The following SRRM3 variants were observed in gnomAD, a reference collection of about 807,000 sequenced individuals.
SRRM3 encodes serine/arginine repetitive matrix protein 3.
Under a neutral mutation model 66.2 loss-of-function variants are expected in SRRM3, and 27 were observed. The observed-to-expected ratio is 0.41, with a 90% CI of 0.30 to 0.56. The LOEUF (loss-of-function observed/expected upper bound fraction) is 0.56. Among genes scored for constraint, SRRM3 ranks in the 20% least tolerant of loss-of-function variants. SRRM3 has a pLI of 0.32. For synonymous variants in SRRM3, 391 were observed against 414.9 expected, an observed-to-expected ratio of 0.94 and a Z score of 0.70; for missense variants, 918 against 991.9, an observed-to-expected ratio of 0.93 and a Z score of 1.00.
At position 76,264,795 on chromosome 7, in the gene SRRM3, G is replaced by A. The variant is rs184677083; in HGVS notation, c.705G>A (p.Glu235=). Reference sequence around the variant, plus strand: ...GAAGCTCCAAGTGCAAAAGAAAAGAGAAGAACAAAGAGAAGAAGAGGTAAG... The same window carrying A: ...GAAGCTCCAAGTGCAAAAGAAAAGAAAAGAACAAAGAGAAGAAGAGGTAAG... The part of the protein sequence containing the change: ...RSRSSKCKRK[E]KNKEKKRPHT... The change falls in exon 9 of 15, where the codon GAG becomes GAA. Residue 235 remains glutamate (E), a synonymous_variant. Coordinates refer to ENST00000611745, the MANE Select transcript of SRRM3 (RefSeq NM_001110199.3). The A allele has an allele frequency of 2.4e-4, 392 of 1,613,666 alleles. 1 individual carries two copies. The highest frequency in any genetic ancestry group is 3.0e-4 in the Non-Finnish European group (350 of 1,179,832).
At chr7:76,237,167 G>A (rs1801172858) in intron 2 of SRRM3, among the ~76,000 whole-genome samples, 1 of 152,118 alleles carries the variant, frequency 6.6e-6, no homozygotes, top group Admixed American at 6.6e-5. Context: ...CAGCACTATG[G>A]GAGGACAAGG....
chr7:76,227,588 C>T (rs559654518), intron 1 of SRRM3, among the ~76,000 whole-genome samples: 3 of 152,328 alleles, frequency 2.0e-5, no homozygotes, highest in Non-Finnish European at 2.9e-5. Context: ...CCTGCCTTGA[C>T]GAACCAAGCA....
chr7:76,256,209 A>C (rs1289527648), intron 3 of SRRM3, among the ~76,000 whole-genome samples: 1 of 152,184 alleles, frequency 6.6e-6, no homozygotes, highest in Non-Finnish European at 1.5e-5. Context: ...TAAAGGAACG[A>C]AAGAATGGCC....
chr7:76,265,826 ATT>A (rs1402005013), intron 10 of SRRM3, among the ~76,000 whole-genome samples: 13 of 40,256 alleles, frequency 3.2e-4, no homozygotes, highest in Non-Finnish European at 4.1e-4. Flanking sequence ...TTTAATAAAT[ATT>A]TATATATATA....
At position 76,286,288 on chromosome 7, in the gene SRRM3, C is replaced by T; in HGVS notation, c.*445C>T. The stretch of plus-strand genomic sequence containing the variant: ...CCCCTCTTCCGCACTACACAGCTCC[C>T]TCCACTCCTCTCTTATCACTGGGCA... On this transcript the variant is annotated 3_prime_UTR_variant, in exon 15 of 15. Coordinates refer to ENST00000611745, the MANE Select transcript of SRRM3 (RefSeq NM_001110199.3). The T allele has an allele frequency of 5.1e-6, 1 of 195,188 alleles. No individual in the cohort carries two copies. The highest frequency in any genetic ancestry group is 1.1e-5 in the Non-Finnish European group (1 of 88,228). The allele number at this position is 195,188 out of a possible 1,614,324, so 12.1% of individuals were successfully genotyped here. A position where few individuals can be genotyped will look rare whatever the true frequency, so the allele number is the denominator to read the frequency against.
Position 76,275,856 on chromosome 7 carries a change from C to T in SRRM3, c.1009-5585C>T, listed in dbSNP as rs1224389259. ...TTAGGAGGCCGAGGCAGGAGGATCA[C>T]TTGAGGCCAGGAGTTTGAGACCAGC... On this transcript the variant is annotated intron_variant, in intron 11 of 14. Transcript: ENST00000611745. 2.0e-5 allele frequency among the ~76,000 whole-genome samples: 3 copies of T among 152,076 alleles called. No homozygotes were observed. In the East Asian group the frequency reaches 5.8e-4, roughly 29 times the overall value.
At chr7:76,230,636 G>T (rs1554604153) in intron 1 of SRRM3, among the ~76,000 whole-genome samples, 1 of 151,622 alleles carries the variant, frequency 6.6e-6, no homozygotes, top group African/African-American at 2.4e-5. Context: ...GCAACAGATT[G>T]AGAGTCAGGA....
At chr7:76,270,817 A>G (rs1452032556) in intron 11 of SRRM3, among the ~76,000 whole-genome samples, 1 of 102,844 alleles carries the variant, frequency 9.7e-6, no homozygotes, top group Non-Finnish European at 1.8e-5. Context: ...CCGTCTCGGA[A>G]AAAAAAAAAA....
intron 1 of SRRM3, among the ~76,000 whole-genome samples, chr7:76,221,052 C>T (rs1205890916): frequency 6.6e-6 from 1 of 151,538 alleles, no homozygotes; most frequent in Non-Finnish European, 1.5e-5. Flanking sequence ...GTCTTCTTAC[C>T]CGTCTTTTTT....
At chr7:76,245,353 C>T (rs547377478) in intron 2 of SRRM3, among the ~76,000 whole-genome samples, 2 of 152,200 alleles carry the variant, frequency 1.3e-5, no homozygotes, top group East Asian at 3.9e-4. Flanking sequence ...GTGGGGAGGG[C>T]TGGACCCATG....
intron 2 of SRRM3, among the ~76,000 whole-genome samples, chr7:76,235,694 C>T (rs1244494625): frequency 1.3e-5 from 2 of 151,676 alleles, no homozygotes; most frequent in East Asian, 1.9e-4. Context: ...GGTGAAACCC[C>T]GTCTCTATGA....
intron 1 of SRRM3, among the ~76,000 whole-genome samples, chr7:76,218,863 T>C (rs1284709267): frequency 1.3e-5 from 2 of 151,790 alleles, no homozygotes; most frequent in Non-Finnish European, 2.9e-5. Flanking sequence ...GTTTGTTTTT[T>C]GTTTTTTTCA....
Position 76,266,050 on chromosome 7 carries a change from A to G in SRRM3, c.830+582A>G, listed in dbSNP as rs1463679417. 2.6e-5 allele frequency among the ~76,000 whole-genome samples: 2 copies of G among 77,752 alleles called. 1 individual carries two copies. The highest frequency in any genetic ancestry group is 4.0e-5 in the Non-Finnish European group (2 of 50,404). The allele number at this position is 77,752 out of a possible 152,430, so 51.0% of individuals were successfully genotyped here. A position where few individuals can be genotyped will look rare whatever the true frequency, so the allele number is the denominator to read the frequency against. Reference sequence around the variant, plus strand: ...CGCCCGGCTAATTTTTTGTATTTTTAGTAGAGACGGGGTTTCACCGTTTTA... The same window carrying G: ...CGCCCGGCTAATTTTTTGTATTTTTGGTAGAGACGGGGTTTCACCGTTTTA... On this transcript the variant is annotated intron_variant, in intron 10 of 14. Coordinates refer to ENST00000611745, the MANE Select transcript of SRRM3 (RefSeq NM_001110199.3).
At chr7:76,267,693 CT>C (rs1414259335) in intron 11 of SRRM3, 4 of 374,172 alleles carry the variant, frequency 1.1e-5, no homozygotes, top group African/African-American at 8.5e-5. Context: ...GCTTGGCAAA[CT>C]GAAGGCCAGA....
At chr7:76,218,324 CAG>C (rs2116955914) in intron 1 of SRRM3, among the ~76,000 whole-genome samples, 1 of 152,348 alleles carries the variant, frequency 6.6e-6, no homozygotes, top group South Asian at 2.1e-4. Context: ...TCCCGGGACA[CAG>C]AGACCGCCAC....
chr7:76,245,647 G>A (rs957869744), intron 2 of SRRM3, among the ~76,000 whole-genome samples: 1 of 152,040 alleles, frequency 6.6e-6, no homozygotes, highest in African/African-American at 2.4e-5. Context: ...CACCCTGTTG[G>A]GCTATCAAAC....
At chr7:76,235,443 A>G in intron 2 of SRRM3, 144 bp downstream of exon 2, 1 of 762,988 alleles carries the variant, frequency 1.3e-6, no homozygotes, top group Non-Finnish European at 2.0e-6. Flanking sequence ...GAGTCGGGCG[A>G]CTGTGGGAAC....
intron 1 of SRRM3, among the ~76,000 whole-genome samples, chr7:76,211,956 C>T (rs1343102643): frequency 2.0e-5 from 3 of 150,496 alleles, no homozygotes; most frequent in African/African-American, 4.9e-5. Flanking sequence ...GCTCCTGCCT[C>T]GGCCTCCTGA....
chr7:76,285,519 A>G lies in SRRM3; in HGVS notation c.1734-96A>G. 3 of 980,854 alleles carry G rather than the reference A, an allele frequency of 3.1e-6. No homozygotes were observed. Among genetic ancestry groups the G allele is most frequent in the Non-Finnish European group, 4.5e-6 (3 of 661,184 alleles). 60.8% of individuals were successfully genotyped at this position (980,854 alleles called of 1,614,324 possible). A position where few individuals can be genotyped will look rare whatever the true frequency, so the allele number is the denominator to read the frequency against. ...GGAGAAGGCAGGTGTCTCTAAGGCC[A>G]GGGCTCAGGGGAAACTGAGGCAGGA... On this transcript the variant is annotated intron_variant, in intron 14 of 14. Transcript: ENST00000611745. This position sits in a 1 kb window ranked among gnomAD's most constrained non-coding sequence, Gnocchi z 4.1.
Sources: allele counts gnomAD v4.1 joint callset (sites outside exome capture counted in the v4.1 genomes callset), GRCh38; gene constraint gnomAD v4.1.1; non-coding constraint Gnocchi (gnomAD v3.1); transcripts MANE v1.5; gene names NCBI Gene and HGNC (gene_info 2026-07-23, HGNC 2026-07-21).